ADAM28: variants seen among roughly 807,000 people sequenced by gnomAD.
The protein encoded by ADAM28 is disintegrin and metalloproteinase domain-containing protein 28.
ADAM28 carries 105 observed loss-of-function variants against 101.2 expected under a neutral mutation model. That is an observed-to-expected ratio of 1.04 (90% CI 0.89 to 1.22). The LOEUF is 1.22. Among genes scored for constraint, ADAM28 ranks in the 50% most tolerant of loss-of-function variants. The pLI is 0.00. For synonymous variants in ADAM28, 322 were observed against 310.6 expected, an observed-to-expected ratio of 1.04 and a Z score of -0.39; for missense variants, 1,028 against 945.4, an observed-to-expected ratio of 1.09 and a Z score of -1.15.
chr8:24,324,921 CA>C (rs1411822541), intron 9 of ADAM28: 1 of 151,886 alleles, frequency 6.6e-6, no homozygotes, highest in Non-Finnish European at 1.5e-5. Context: ...GACCTAACTA[CA>C]AAAGTCACAG....
In ADAM28 at chr8:24,326,649, T is replaced by C; in HGVS notation, c.972+14T>C. 4 of 1,603,964 alleles carry C rather than the reference T, an allele frequency of 2.5e-6. No individual in the cohort carries two copies. The highest frequency in any genetic ancestry group is 3.4e-6 in the Non-Finnish European group (4 of 1,173,692). Reference sequence around the variant, plus strand: ...GGCGTTGTTCAGGTCTGTATGATGATAAACTGTTGGTTCTATGATTTACAT... The same window carrying C: ...GGCGTTGTTCAGGTCTGTATGATGACAAACTGTTGGTTCTATGATTTACAT... On this transcript the variant is annotated intron_variant, in intron 10 of 22. Transcript: ENST00000265769.
intron 21 of ADAM28, among the ~76,000 whole-genome samples, chr8:24,353,350 AC>A (rs1356107481): frequency 6.6e-6 from 1 of 152,106 alleles, no homozygotes; most frequent in Non-Finnish European, 1.5e-5. Flanking sequence ...CAGTACATTC[AC>A]TCATTAAATG....
intron 9 of ADAM28, 49 bp from the exon 10 acceptor site, chr8:24,326,505 T>G (rs1430649093): frequency 6.4e-7 from 1 of 1,550,642 alleles, no homozygotes; most frequent in African/African-American, 1.4e-5. Context: ...TCTATAAAAA[T>G]AGAGCTTAGC....
In ADAM28 at chr8:24,323,855, C is replaced by T. The variant is rs756116541; in HGVS notation, c.742C>T (p.His248Tyr). The T allele has an allele frequency of 1.2e-5, 20 of 1,611,492 alleles. No individual in the cohort carries two copies. The highest frequency in any genetic ancestry group is 1.7e-5 in the Non-Finnish European group (20 of 1,178,486). Residue 248 changes from histidine (H) to tyrosine (Y), a missense_variant, in exon 9 of 23, where the codon CAT becomes TAT. His to Tyr is a moderately conservative substitution (Grantham distance 83). Coordinates refer to ENST00000265769, the MANE Select transcript of ADAM28 (RefSeq NM_014265.6). The part of the protein sequence containing the change: ...VNMLYKKLNT[H>Y]VALVGMEIWT... ...ACAGCTTTATAAAAAGCTCAATACT[C>T]ATGTGGCCTTAGTTGGTATGGAAAT... is the stretch of plus-strand genomic sequence containing the variant.
In ADAM28 at chr8:24,311,311, G is replaced by A. The variant is rs138771138; in HGVS notation, c.307-50G>A. ...AGATTTCAGATGCGGCTTTAGCAGC[G>A]GTGCTAAAATTCACATGTACTTCTC... On this transcript the variant is annotated intron_variant, in intron 4 of 22. Transcript: ENST00000265769. 4,341 of 1,436,666 alleles carry A rather than the reference G, an allele frequency of 3.0e-3. 14 individuals carry two copies. The highest frequency in any genetic ancestry group is 3.7e-3 in the Non-Finnish European group (3,855 of 1,037,118). 89.0% of individuals were successfully genotyped at this position (1,436,666 alleles called of 1,614,324 possible).
At chr8:24,321,876 A>T (rs1811925810) in intron 8 of ADAM28, among the ~76,000 whole-genome samples, 1 of 152,000 alleles carries the variant, frequency 6.6e-6, no homozygotes, top group African/African-American at 2.4e-5. Context: ...TGTGTTATCT[A>T]ATTTCCAAAA....
At position 24,358,071 on chromosome 8, in the gene ADAM28, A is replaced by C. The variant is rs1455078117; in HGVS notation, c.*3667A>C. On this transcript the variant is annotated 3_prime_UTR_variant, in exon 23 of 23. Transcript: ENST00000265769. ...TTCTTTCCTATCAGTTTAATTTTAT[A>C]AAGGCTAACCAATTAACTGTTTTTA... 6.6e-6 allele frequency: 1 copy of C among 151,612 alleles called. No homozygotes were observed. The highest frequency in any genetic ancestry group is 1.5e-5 in the Non-Finnish European group (1 of 67,974). 9.4% of individuals were successfully genotyped at this position (151,612 alleles called of 1,614,324 possible). A position where few individuals can be genotyped will look rare whatever the true frequency, so the allele number is the denominator to read the frequency against.
At chr8:24,349,114 G>T (rs1235758126) in intron 18 of ADAM28, among the ~76,000 whole-genome samples, 1 of 152,056 alleles carries the variant, frequency 6.6e-6, no homozygotes, top group African/African-American at 2.4e-5. Context: ...AACTTTTCTT[G>T]CATTTATACA....
chr8:24,296,029 G>A (rs182007341), intron 1 of ADAM28: 22 of 152,126 alleles, frequency 1.4e-4, no homozygotes, highest in Non-Finnish European at 2.4e-4. Context: ...TCACAATCCC[G>A]AGAAAAAATT....
chr8:24,333,894 A>G (rs1813683079), intron 13 of ADAM28, among the ~76,000 whole-genome samples: 4 of 152,178 alleles, frequency 2.6e-5, no homozygotes, highest in Admixed American at 2.6e-4. Context: ...TCCTAAGGCC[A>G]GAAGACAGAT....
In ADAM28 at chr8:24,356,699, T is replaced by TTAAC. The variant is rs1816709996; in HGVS notation, c.*2298_*2301dup. 6.6e-6 allele frequency: 1 copy of TTAAC among 152,180 alleles called. No individual in the cohort carries two copies. Among genetic ancestry groups the TTAAC allele is most frequent in the Non-Finnish European group, 1.5e-5 (1 of 68,022 alleles). 9.4% of individuals were successfully genotyped at this position (152,180 alleles called of 1,614,324 possible). The stretch of plus-strand genomic sequence containing the variant: ...TAAGGGAATTCCGCTTATTTGACAT[T>TTAAC]TAACTACCTCAGATATGCCACCAAA... On this transcript the variant is annotated 3_prime_UTR_variant, in exon 23 of 23. Transcript: ENST00000265769.
intron 18 of ADAM28, among the ~76,000 whole-genome samples, chr8:24,348,443 T>C (rs1815679718): frequency 6.6e-6 from 1 of 152,124 alleles, no homozygotes; most frequent in African/African-American, 2.4e-5. Flanking sequence ...CAGTTTACAT[T>C]AGGGTTTGCT....
intron 1 of ADAM28, 22 bp from the exon 2 acceptor site, chr8:24,299,952 T>TTTTCTA (rs1808488408): frequency 6.3e-7 from 1 of 1,590,946 alleles, no homozygotes; most frequent in South Asian, 1.1e-5. Flanking sequence ...TGGATAAGTC[T>TTTTCTA]TTTCTTTTTC....
chr8:24,350,336 G>A (rs1438352259), intron 19 of ADAM28, among the ~76,000 whole-genome samples: 3 of 151,942 alleles, frequency 2.0e-5, no homozygotes, highest in Admixed American at 6.5e-5. Context: ...TTTGAGACAA[G>A]AGTCTCCCTC....
chr8:24,303,790 C>T (rs992783296), intron 2 of ADAM28, among the ~76,000 whole-genome samples: 1 of 152,040 alleles, frequency 6.6e-6, no homozygotes, highest in Non-Finnish European at 1.5e-5. Flanking sequence ...AATGTTTTTC[C>T]ATTTGTTTGT....
chr8:24,294,619 C>T (rs1807717824), intron 1 of ADAM28, among the ~76,000 whole-genome samples: 1 of 152,038 alleles, frequency 6.6e-6, no homozygotes, highest in South Asian at 2.1e-4. Flanking sequence ...ATTATGGGAG[C>T]CAGTTTGGCT....
chr8:24,315,876 T>G (rs910389849), intron 6 of ADAM28, among the ~76,000 whole-genome samples: 8 of 152,048 alleles, frequency 5.3e-5, no homozygotes, highest in African/African-American at 1.9e-4. Flanking sequence ...ATGTAGTATA[T>G]CAATTATATC....
chr8:24,297,778 A>C (rs375318457), intron 1 of ADAM28, among the ~76,000 whole-genome samples: 9 of 152,206 alleles, frequency 5.9e-5, no homozygotes, highest in African/African-American at 2.2e-4. Flanking sequence ...TTGGCATCTT[A>C]GTGTTTCAAA....
chr8:24,351,518 A>G lies in ADAM28; in HGVS notation c.2178+208A>G. 7 of 623,702 alleles carry G rather than the reference A, an allele frequency of 1.1e-5. 1 individual carries two copies. Among genetic ancestry groups the G allele is most frequent in the Non-Finnish European group, 2.0e-5 (7 of 345,212 alleles). 38.6% of individuals were successfully genotyped at this position (623,702 alleles called of 1,614,324 possible). ...GGGGTTCATGAAATGCAAACAGAATAAAGAGAACAAAGAATGCACATACCG... is the reference window on the plus strand; with the variant it reads ...GGGGTTCATGAAATGCAAACAGAATGAAGAGAACAAAGAATGCACATACCG... On this transcript the variant is annotated intron_variant, in intron 20 of 22. Transcript: ENST00000265769.
Sources: gnomAD v4.1 joint callset for allele counts (sites outside exome capture counted in the v4.1 genomes callset) on GRCh38, gnomAD v4.1.1 for gene constraint, MANE v1.5 for transcripts, NCBI Gene and HGNC (gene_info 2026-07-23, HGNC 2026-07-21) for gene names.